PDE4B: variants seen among roughly 807,000 people sequenced by gnomAD.
PDE4B encodes the protein 3',5'-cyclic-AMP phosphodiesterase 4B.
Under a neutral mutation model 82.2 loss-of-function variants are expected in PDE4B, and 20 were observed. The ratio of observed to expected loss-of-function variants is 0.24; its 90% CI spans 0.17 to 0.35. The LOEUF is 0.35. PDE4B is among the 10% of genes least tolerant of loss of function. The probability of loss-of-function intolerance (pLI) is 1.00; values close to 1 mark genes in which losing one functional copy is unlikely to be tolerated. For missense variants in PDE4B, 655 were observed against 907.2 expected (o/e 0.72, Z 3.57); for synonymous variants, 320 against 318.9 (o/e 1.00, Z -0.04).
chr1:66,293,393 C>A (rs1657256660), intron 7 of PDE4B, among the ~76,000 whole-genome samples: 1 of 151,304 alleles, frequency 6.6e-6, no homozygotes, highest in South Asian at 2.1e-4. Flanking sequence ...TTGTCATTCA[C>A]TTTTTTTGGC....
At chr1:65,890,570 G>T (rs1474121108) in intron 1 of PDE4B, among the ~76,000 whole-genome samples, 1 of 151,942 alleles carries the variant, frequency 6.6e-6, no homozygotes, top group East Asian at 1.9e-4. Context: ...CTCTAGCTTT[G>T]GAGACAGAAT....
chr1:66,352,575 T>A (rs12059062), intron 8 of PDE4B, among the ~76,000 whole-genome samples: 17,039 of 152,160 alleles, frequency 0.11, 2,531 homozygotes, highest in African/African-American at 0.34. Flanking sequence ...CTGAGCAGAG[T>A]TGCCGATATA....
At chr1:66,084,663 G>A (rs1428290314) in intron 3 of PDE4B, among the ~76,000 whole-genome samples, 4 of 152,114 alleles carry the variant, frequency 2.6e-5, no homozygotes, top group Admixed American at 2.6e-4. Flanking sequence ...CTAGGGGTCT[G>A]GAAGCTCAGG....
intron 7 of PDE4B, among the ~76,000 whole-genome samples, chr1:66,280,880 A>AT (rs1162810359): frequency 6.6e-6 from 1 of 152,198 alleles, no homozygotes; most frequent in African/African-American, 2.4e-5. Flanking sequence ...AGCAGATTAA[A>AT]TGTAGCTCAG....
chr1:65,978,368 T>C (rs1650520079), intron 3 of PDE4B, among the ~76,000 whole-genome samples: 1 of 152,152 alleles, frequency 6.6e-6, no homozygotes, highest in African/African-American at 2.4e-5. Flanking sequence ...ATTAGTTCAC[T>C]TGAATTGCCC....
At chr1:65,936,772 A>G (rs992762341) in intron 3 of PDE4B, among the ~76,000 whole-genome samples, 15 of 152,176 alleles carry the variant, frequency 9.9e-5, no homozygotes, top group African/African-American at 3.6e-4. Context: ...ACTGCTGAGA[A>G]TAAGGGAAAG....
At chr1:66,226,214 T>C (rs945029002) in intron 3 of PDE4B, among the ~76,000 whole-genome samples, 17 of 152,218 alleles carry the variant, frequency 1.1e-4, no homozygotes, top group African/African-American at 3.6e-4. Flanking sequence ...ATCTCTTGTC[T>C]GACCAGTTTT....
intron 3 of PDE4B, among the ~76,000 whole-genome samples, chr1:66,209,308 G>T (rs1399712777): frequency 6.6e-6 from 1 of 152,144 alleles, no homozygotes. Flanking sequence ...GAAGTTTCAT[G>T]TGTTATCTCC....
chr1:66,003,349 T>TA (rs5774784), intron 3 of PDE4B, among the ~76,000 whole-genome samples: 22 of 149,428 alleles, frequency 1.5e-4, no homozygotes, highest in African/African-American at 4.9e-4. Context: ...TCAATACATT[T>TA]AAAAAAAAAA....
rs577776929 is a variant in PDE4B at position 66,332,845 on chromosome 1, C to T, written c.747+225C>T. On this transcript the variant is annotated intron_variant, in intron 8 of 16. Transcript: ENST00000341517. ...TACGCTTCAATTTCCAGAAACAAAA[C>T]TTCTCTCTTACTGATGCAGTTTGGA... 1.2e-4 allele frequency among the ~76,000 whole-genome samples: 18 copies of T among 152,314 alleles called. No homozygotes were observed. The South Asian group carries it at 3.7e-3, about 32-fold the overall frequency.
intron 1 of PDE4B, among the ~76,000 whole-genome samples, chr1:65,885,458 A>C (rs2100359023): frequency 6.6e-6 from 1 of 152,270 alleles, no homozygotes; most frequent in South Asian, 2.1e-4. Context: ...CTTGGAACCA[A>C]CCCAAATTTC....
At chr1:65,863,833 T>G in intron 1 of PDE4B, among the ~76,000 whole-genome samples, 1 of 152,206 alleles carries the variant, frequency 6.6e-6, no homozygotes, top group Admixed American at 6.5e-5. Context: ...AACCCCTGCT[T>G]TTTTGGCTTT....
intron 1 of PDE4B, among the ~76,000 whole-genome samples, chr1:65,852,334 G>A (rs1049465177): frequency 1.3e-5 from 2 of 151,882 alleles, no homozygotes; most frequent in Admixed American, 1.3e-4. Flanking sequence ...AAAGCAATCC[G>A]AGTTCAGAAA....
chr1:66,277,584 T>C (rs1336755773), intron 7 of PDE4B, among the ~76,000 whole-genome samples: 2 of 151,892 alleles, frequency 1.3e-5, no homozygotes, highest in Non-Finnish European at 2.9e-5. Context: ...TTAGTAGAGA[T>C]GGGGTTTCAC....
chr1:66,164,530 C>T (rs57010922), intron 3 of PDE4B, among the ~76,000 whole-genome samples: 8,820 of 71,566 alleles, frequency 0.12, 755 homozygotes, highest in African/African-American at 0.31. Flanking sequence ...AGAGAGACTC[C>T]GTCTCAAAAA....
intron 1 of PDE4B, among the ~76,000 whole-genome samples, chr1:65,903,577 C>T (rs1242716813): frequency 6.6e-6 from 1 of 151,692 alleles, no homozygotes; most frequent in Non-Finnish European, 1.5e-5. Context: ...AAGAGCCTGT[C>T]TCAAAATAAT....
At chr1:65,857,884 G>C (rs1380881193) in intron 1 of PDE4B, among the ~76,000 whole-genome samples, 1 of 151,058 alleles carries the variant, frequency 6.6e-6, no homozygotes, top group Admixed American at 6.6e-5. Flanking sequence ...TCCTGATCTT[G>C]ACTCCTTTTT....
In PDE4B at chr1:66,373,824, A is replaced by G. The variant is rs989233445; in HGVS notation, c.*1146A>G. The G allele has an allele frequency of 1.3e-5, 2 of 152,406 alleles. No homozygotes were observed. The highest frequency in any genetic ancestry group is 2.9e-5 in the Non-Finnish European group (2 of 68,038). The allele number at this position is 152,406 out of a possible 1,614,324, so 9.4% of individuals were successfully genotyped here. A position where few individuals can be genotyped will look rare whatever the true frequency, so the allele number is the denominator to read the frequency against. On this transcript the variant is annotated 3_prime_UTR_variant, in exon 17 of 17. Transcript: ENST00000341517. ...CCCAAACGTCACTTAGTAGAGACATATGGCCCCCTTGGCAGAGAGGACAGG... is the reference window on the plus strand; with the variant it reads ...CCCAAACGTCACTTAGTAGAGACATGTGGCCCCCTTGGCAGAGAGGACAGG...
chr1:66,139,987 CAACTT>C (rs1646139912), intron 3 of PDE4B, among the ~76,000 whole-genome samples: 1 of 152,160 alleles, frequency 6.6e-6, no homozygotes, highest in Non-Finnish European at 1.5e-5. Context: ...CCACTAGACT[CAACTT>C]AAGACAGAAT....
Sources: gnomAD v4.1 joint callset for allele counts (sites outside exome capture counted in the v4.1 genomes callset) on GRCh38, gnomAD v4.1.1 for gene constraint, MANE v1.5 for transcripts, NCBI Gene and HGNC (gene_info 2026-07-23, HGNC 2026-07-21) for gene names.